Variants in EML6 observed in about 807,000 individuals in gnomAD.
EML6 encodes the protein EMAP like 6.
Under a neutral mutation model 240.1 loss-of-function variants are expected in EML6, and 154 were observed. The observed-to-expected ratio is 0.64, with a 90% CI of 0.56 to 0.73. The LOEUF is 0.73. Among genes scored for constraint, EML6 ranks in the 30% least tolerant of loss-of-function variants. The probability of loss-of-function intolerance (pLI) is 0.00; values close to 1 mark genes in which losing one functional copy is unlikely to be tolerated. For missense variants in EML6, 2,964 were observed against 2,474.6 expected (o/e 1.20, Z -4.20); for synonymous variants, 1,148 against 899.0 (o/e 1.28, Z -4.95).
chr2:54,963,915 G>C, intron 36 of EML6, 71 bp from the exon 37 acceptor site: 1 of 1,426,542 alleles, frequency 7.0e-7, no homozygotes. Context: ...CTCTGGCCTG[G>C]TGCAGAATGT....
intron 2 of EML6, among the ~76,000 whole-genome samples, chr2:54,749,397 A>C (rs1180406732): frequency 1.3e-5 from 2 of 152,126 alleles, no homozygotes; most frequent in Admixed American, 6.6e-5. Context: ...TTGATCATTT[A>C]ATATGTGATT....
At chr2:54,958,125 C>T in intron 33 of EML6, 127 bp downstream of exon 33, 2 of 754,902 alleles carry the variant, frequency 2.6e-6, no homozygotes, top group Non-Finnish European at 2.1e-6. Flanking sequence ...ACATTCGCTC[C>T]TGTACTGGCT....
At chr2:54,880,629 A>ACAAATGACAGCTCATAAATCTGCCTGC (rs1671763277) in intron 17 of EML6, 1 of 152,208 alleles carries the variant, frequency 6.6e-6, no homozygotes, top group African/African-American at 2.4e-5. Flanking sequence ...ATTCTTGGCA[A>ACAAATGACAGCTCATAAATCTGCCTGC]CAAATGACAG....
chr2:54,723,849 G>T (rs1682789796), intron 1 of EML6, 72 bp downstream of exon 1: 2 of 152,606 alleles, frequency 1.3e-5, no homozygotes, highest in African/African-American at 2.4e-5. Flanking sequence ...GCAGGGCGCC[G>T]CCAGGGCGGC....
chr2:54,950,773 T>A lies in EML6; in HGVS notation c.4207T>A (p.Ser1403Thr). The part of the protein sequence containing the change: ...TAAAGIVQNL[S>T]TGSQSFYLEH... ...AGCGGCTGGCATCGTTCAGAACCTC[T>A]CCACAGGTAACCGGGGGTTAAAAAA... Residue 1403 changes from serine to threonine, a missense_variant, in exon 30 of 42, where the codon TCC becomes ACC. Ser to Thr is a moderately conservative substitution (Grantham distance 58, BLOSUM62 1). Transcript: ENST00000356458. 1 of 1,550,472 alleles carries A rather than the reference T, an allele frequency of 6.4e-7. No homozygotes were observed. The highest frequency in any genetic ancestry group is 8.7e-7 in the Non-Finnish European group (1 of 1,146,644).
chr2:54,899,802 A>C lies in EML6; in HGVS notation c.3124+20A>C. The stretch of plus-strand genomic sequence containing the variant: ...AAAAAGGTACATAACACCACCTTAC[A>C]CATCTGTCAGAGTATTTACAAGTAA... On this transcript the variant is annotated intron_variant, in intron 22 of 41. Transcript: ENST00000356458. The C allele has an allele frequency of 6.5e-7, 1 of 1,542,568 alleles. No homozygotes were observed. The highest frequency in any genetic ancestry group is 1.2e-5 in the South Asian group (1 of 83,006).
chr2:54,959,056 A>G lies in EML6; in HGVS notation c.4696-48A>G, dbSNP rs796392800. ...TGAGAGAACGGGTGGCTGGGGAGGG[A>G]CCCGCTTGAGTGTGTTCCGGGTGTA... On this transcript the variant is annotated intron_variant, in intron 33 of 41. Transcript: ENST00000356458. 6.0e-6 allele frequency: 9 copies of G among 1,500,642 alleles called. No individual in the cohort carries two copies. In the African/African-American group the frequency reaches 1.3e-4, roughly 21 times the overall value. 93.0% of individuals were successfully genotyped at this position (1,500,642 alleles called of 1,614,324 possible).
chr2:54,904,262 G>A (rs1362301954), intron 24 of EML6, among the ~76,000 whole-genome samples: 1 of 152,180 alleles, frequency 6.6e-6, no homozygotes, highest in Non-Finnish European at 1.5e-5. Flanking sequence ...GGCCACGGCA[G>A]CATTCAGTAC....
At position 54,891,135 on chromosome 2, in the gene EML6, C is replaced by T. The variant is rs748484247; in HGVS notation, c.2520C>T (p.Ile840=). ...DKLVTVGIKH[I]KFWQQAGGGF... ...TGGTTACAGTTGGGATAAAACACAT[C>T]AAATTCTGGCAACAAGCAGGTACTG... Residue 840 remains isoleucine, a synonymous_variant, in exon 18 of 42, where the codon ATC becomes ATT. Transcript: ENST00000356458. 8.8e-6 allele frequency: 13 copies of T among 1,475,534 alleles called. No homozygotes were observed. Among genetic ancestry groups the T allele is most frequent in the South Asian group, 2.7e-5 (2 of 74,700 alleles). 91.4% of individuals were successfully genotyped at this position (1,475,534 alleles called of 1,614,324 possible).
chr2:54,899,598 C>A, intron 21 of EML6, 43 bp from the exon 22 acceptor site: 1 of 1,529,578 alleles, frequency 6.5e-7, no homozygotes, highest in South Asian at 1.2e-5. Flanking sequence ...GCTAGCCAAA[C>A]AGCATAAGTA....
intron 41 of EML6, among the ~76,000 whole-genome samples, chr2:54,969,199 C>G (rs995771608): frequency 6.6e-6 from 1 of 152,192 alleles, no homozygotes; most frequent in Non-Finnish European, 1.5e-5. Context: ...TTTATTTACT[C>G]TAAATAGAGT....
chr2:54,934,908 T>C (rs976149837), intron 28 of EML6, among the ~76,000 whole-genome samples: 3 of 152,362 alleles, frequency 2.0e-5, no homozygotes, highest in African/African-American at 2.4e-5. Flanking sequence ...GGGAAAGATA[T>C]ATCAATTAAA....
At chr2:54,801,857 A>T (rs1670167632) in intron 2 of EML6, among the ~76,000 whole-genome samples, 1 of 152,216 alleles carries the variant, frequency 6.6e-6, no homozygotes, top group Non-Finnish European at 1.5e-5. Context: ...GCACTTTTAA[A>T]AACTGGATTT....
chr2:54,862,702 T>C (rs1456533520), intron 12 of EML6, among the ~76,000 whole-genome samples: 1 of 152,132 alleles, frequency 6.6e-6, no homozygotes, highest in Non-Finnish European at 1.5e-5. Flanking sequence ...TCCAAAAAGA[T>C]GTACCCCAAG....
intron 11 of EML6, among the ~76,000 whole-genome samples, chr2:54,857,423 C>G (rs555280864): frequency 2.0e-5 from 3 of 152,224 alleles, no homozygotes; most frequent in Non-Finnish European, 4.4e-5. Flanking sequence ...ACAGGTGTGG[C>G]CTTCATTTAT....
At chr2:54,867,001 G>A in intron 14 of EML6, 117 bp downstream of exon 14, 1 of 592,516 alleles carries the variant, frequency 1.7e-6, no homozygotes, top group Admixed American at 2.9e-5. Flanking sequence ...CTCCTGGCTA[G>A]CTCTTCTCTG....
chr2:54,923,077 G>C (rs13408974), intron 26 of EML6, among the ~76,000 whole-genome samples: 1 of 151,364 alleles, frequency 6.6e-6, no homozygotes, highest in South Asian at 2.1e-4. Flanking sequence ...GAGTAGCTGA[G>C]ATTACAGGCA....
intron 26 of EML6, among the ~76,000 whole-genome samples, chr2:54,924,178 A>C (rs540901051): frequency 5.9e-5 from 9 of 152,356 alleles, no homozygotes; most frequent in African/African-American, 2.2e-4. Context: ...ATAACATTTT[A>C]AGAAACTGCC....
chr2:54,901,220 A>T (rs1673040363), intron 22 of EML6, among the ~76,000 whole-genome samples: 1 of 152,180 alleles, frequency 6.6e-6, no homozygotes, highest in Non-Finnish European at 1.5e-5. Flanking sequence ...AGGTAATGGA[A>T]CCAAATTCAA....
Sources: allele counts gnomAD v4.1 joint callset (sites outside exome capture counted in the v4.1 genomes callset), GRCh38; gene constraint gnomAD v4.1.1; transcripts MANE v1.5; gene names NCBI Gene and HGNC (gene_info 2026-07-23, HGNC 2026-07-21).